The following BIRC2 variants were observed in gnomAD, a reference collection of about 807,000 sequenced individuals.
BIRC2 encodes baculoviral IAP repeat-containing protein 2.
BIRC2 carries 18 observed loss-of-function variants against 60.9 expected under a neutral mutation model. The observed-to-expected ratio is 0.30, with a 90% CI of 0.20 to 0.44. The LOEUF is 0.44. Ranked by LOEUF, BIRC2 falls within the 20% of genes least tolerant of loss-of-function variation. The probability of loss-of-function intolerance (pLI) is 1.00; values close to 1 mark genes in which losing one functional copy is unlikely to be tolerated. For missense variants in BIRC2, 701 were observed against 728.5 expected (o/e 0.96, Z 0.43); for synonymous variants, 282 against 247.7 (o/e 1.14, Z -1.30).
intron 6 of BIRC2, among the ~76,000 whole-genome samples, chr11:102,373,958 A>G (rs910472023): frequency 3.5e-5 from 5 of 142,988 alleles, no homozygotes; most frequent in Admixed American, 2.8e-4. Flanking sequence ...AGTTGATCGC[A>G]TCGGCTCCTG....
intron 3 of BIRC2, among the ~76,000 whole-genome samples, chr11:102,356,349 C>T (rs547298929): frequency 2.0e-5 from 3 of 152,108 alleles, no homozygotes; most frequent in African/African-American, 7.2e-5. Context: ...GTGCGTGCCA[C>T]TGCACCCAGC....
rs772481556 is a variant in BIRC2, at chr11:102,350,268, A to G, written c.414A>G (p.Ser138=). The G allele has an allele frequency of 6.2e-7, 1 of 1,614,232 alleles. No individual in the cohort carries two copies. Among genetic ancestry groups the G allele is most frequent in the Non-Finnish European group, 8.5e-7 (1 of 1,180,040 alleles). The change falls in exon 2 of 9, where the codon TCA becomes TCG. Residue 138 remains serine, a synonymous_variant. Coordinates refer to ENST00000227758, the MANE Select transcript of BIRC2 (RefSeq NM_001166.5). ...TSPMRNSFAH[S]LSPTLEHSSL... ...CAATGAGAAACAGTTTTGCACATTC[A>G]TTATCTCCCACCTTGGAACATAGTA... is the stretch of plus-strand genomic sequence containing the variant.
At chr11:102,375,032 C>T (rs562205787) in intron 6 of BIRC2, among the ~76,000 whole-genome samples, 3 of 152,346 alleles carry the variant, frequency 2.0e-5, no homozygotes, top group Non-Finnish European at 2.9e-5. Flanking sequence ...GGTTTGCACA[C>T]GGTGCGCGCA....
intron 3 of BIRC2, among the ~76,000 whole-genome samples, chr11:102,356,288 T>C (rs1290044): frequency 0.13 from 19,204 of 149,754 alleles, 1,389 homozygotes; most frequent in African/African-American, 0.17. Context: ...CTCCACCTCC[T>C]GGGTTCAAGT....
Position 102,378,065 on chromosome 11 carries a change from C to G in BIRC2, c.1739C>G (p.Ser580Cys). The change falls in exon 9 of 9, where the codon TCT becomes TGT. Residue 580 changes from serine (S) to cysteine (C), a missense_variant. By Grantham distance (112) the Ser-to-Cys change is moderately radical. Transcript: ENST00000227758. Reference protein sequence around the residue: ...TCKVCMDKEVSVVFIPCGHLV... With the variant: ...TCKVCMDKEVCVVFIPCGHLV... ...AAAGTGTGTATGGACAAAGAAGTTT[C>G]TGTTGTATTTATTCCTTGTGGTCAT... 6.2e-7 allele frequency: 1 copy of G among 1,613,534 alleles called. No homozygotes were observed. Among genetic ancestry groups the G allele is most frequent in the Non-Finnish European group, 8.5e-7 (1 of 1,179,732 alleles).
intron 3 of BIRC2, among the ~76,000 whole-genome samples, chr11:102,355,505 AC>A (rs1338014987): frequency 3.9e-5 from 6 of 152,142 alleles, no homozygotes; most frequent in African/African-American, 1.4e-4. Flanking sequence ...TGTTTTGATT[AC>A]TGTAGCTTTG....
chr11:102,367,476 C>T (rs939955819), intron 5 of BIRC2, among the ~76,000 whole-genome samples: 3 of 152,052 alleles, frequency 2.0e-5, no homozygotes, highest in East Asian at 1.9e-4. Context: ...GGATTCCACG[C>T]GTGTTTGAAC....
chr11:102,348,497 T>C (rs1179939295), intron 1 of BIRC2, 101 bp from the exon 2 acceptor site: 1 of 163,668 alleles, frequency 6.1e-6, no homozygotes, highest in African/African-American at 2.4e-5. Context: ...ATCTAAAGTG[T>C]GAATTATTCT....
chr11:102,377,585 A>T lies in BIRC2; in HGVS notation c.1456A>T (p.Asn486Tyr), dbSNP rs771507033. The T allele has an allele frequency of 3.7e-6, 6 of 1,611,632 alleles. No homozygotes were observed. Among genetic ancestry groups the T allele is most frequent in the Non-Finnish European group, 5.1e-6 (6 of 1,178,832 alleles). Residue 486 changes from asparagine (N) to tyrosine (Y), a missense_variant, in exon 7 of 9, where the codon AAT (asparagine) becomes TAT (tyrosine). Asn to Tyr is a moderately radical substitution (Grantham distance 143). Transcript: ENST00000227758. ...TATCCTGGATAATCTTTTAAAGGCC[A>T]ATGTAATTAATAAACAGGAACATGA... ...LPILDNLLKA[N>Y]VINKQEHDII...
chr11:102,376,770 C>T (rs1951719480), intron 6 of BIRC2, among the ~76,000 whole-genome samples: 1 of 152,100 alleles, frequency 6.6e-6, no homozygotes, highest in African/African-American at 2.4e-5. Flanking sequence ...CTATGTACCA[C>T]ATATTGTGCC....
At chr11:102,362,710 C>A in intron 3 of BIRC2, 186 bp from the exon 4 acceptor site, 2 of 487,622 alleles carry the variant, frequency 4.1e-6, no homozygotes, top group South Asian at 3.1e-5. Context: ...ATATATAACA[C>A]ACAGAAGGAT....
chr11:102,368,380 T>C lies in BIRC2; in HGVS notation c.1198T>C (p.Leu400=). ...GAATACACCTGTGGTTAAATCTGCC[T>C]TGGAAATGGGCTTTAATAGAGACCT... ...MMNTPVVKSA[L]EMGFNRDLVK... is the part of the protein sequence containing the mutation. The change falls in exon 6 of 9, where the codon TTG becomes CTG. Residue 400 remains leucine, a synonymous_variant. Coordinates refer to ENST00000227758, the MANE Select transcript of BIRC2 (RefSeq NM_001166.5). 1 of 1,614,042 alleles carries C rather than the reference T, an allele frequency of 6.2e-7. No individual in the cohort carries two copies. Among genetic ancestry groups the C allele is most frequent in the Non-Finnish European group, 8.5e-7 (1 of 1,179,972 alleles).
At chr11:102,366,300 T>C (rs2135816600) in intron 5 of BIRC2, among the ~76,000 whole-genome samples, 1 of 152,252 alleles carries the variant, frequency 6.6e-6, no homozygotes, top group East Asian at 1.9e-4. Flanking sequence ...ATATTTAATC[T>C]ATCAGAAGTC....
chr11:102,359,585 T>A (rs576178429), intron 3 of BIRC2, among the ~76,000 whole-genome samples: 10 of 152,342 alleles, frequency 6.6e-5, no homozygotes, highest in African/African-American at 2.4e-4. Context: ...TCTCTTTCAT[T>A]TCTGAAGGAC....
At chr11:102,359,224 CTG>C (rs1418118772) in intron 3 of BIRC2, among the ~76,000 whole-genome samples, 3 of 152,174 alleles carry the variant, frequency 2.0e-5, no homozygotes, top group African/African-American at 7.2e-5. Flanking sequence ...CATTAAAAAA[CTG>C]TACTGTTACT....
chr11:102,350,036 C>G lies in BIRC2; in HGVS notation c.182C>G (p.Pro61Arg). 1 of 1,614,234 alleles carries G rather than the reference C, an allele frequency of 6.2e-7. No individual in the cohort carries two copies. Among genetic ancestry groups the G allele is most frequent in the Non-Finnish European group, 8.5e-7 (1 of 1,180,040 alleles). ...TATTCAACTTTCCCCGCCGGGGTGC[C>G]TGTCTCAGAAAGGAGTCTTGCTCGT... ...STYSTFPAGV[P>R]VSERSLARAG... Residue 61 changes from proline to arginine, a missense_variant, in exon 2 of 9, where the codon CCT (proline) becomes CGT (arginine). This residue lies in a region of BIRC2 where 375 missense variants were observed against 365.9 expected (regional missense o/e 1.02). Transcript: ENST00000227758.
chr11:102,361,809 C>A (rs1311447246), intron 3 of BIRC2, among the ~76,000 whole-genome samples: 1 of 151,672 alleles, frequency 6.6e-6, no homozygotes, highest in Non-Finnish European at 1.5e-5. Flanking sequence ...AAGCAGATCT[C>A]CCAGCAGTCC....
At chr11:102,376,352 C>G (rs1404015857) in intron 6 of BIRC2, among the ~76,000 whole-genome samples, 1 of 152,062 alleles carries the variant, frequency 6.6e-6, no homozygotes, top group Non-Finnish European at 1.5e-5. Context: ...AGGTGAAGAA[C>G]AAATTGGTTA....
chr11:102,362,610 G>A (rs767010695), intron 3 of BIRC2: 3 of 274,138 alleles, frequency 1.1e-5, no homozygotes, highest in Non-Finnish European at 2.1e-5. Context: ...GTATAATAGT[G>A]TTCTTCAGGA....
Sources: gnomAD v4.1 joint callset for allele counts (sites outside exome capture counted in the v4.1 genomes callset) on GRCh38, gnomAD v4.1.1 for gene constraint, gnomAD v4.1.1 regional missense constraint, MANE v1.5 for transcripts, NCBI Gene and HGNC (gene_info 2026-07-23, HGNC 2026-07-21) for gene names.